COL28A1: variants seen among roughly 807,000 people sequenced by gnomAD.
COL28A1 encodes collagen type XXVIII alpha 1 chain, also known as collagen alpha-1(XXVIII) chain.
A neutral mutation model predicts 150.2 loss-of-function variants in COL28A1; 161 were observed. The ratio of observed to expected loss-of-function variants is 1.07; its 90% CI spans 0.94 to 1.22. COL28A1 has a LOEUF of 1.22. Ranked by LOEUF, COL28A1 falls within the 50% of genes most tolerant of loss-of-function variation. COL28A1 has a pLI of 0.00. For synonymous variants in COL28A1, 552 were observed against 469.7 expected (o/e 1.18, Z -2.26); for missense variants, 1,617 against 1,388.3 (o/e 1.16, Z -2.62).
chr7:7,342,412 G>A, the COL28A1 span, among the ~76,000 whole-genome samples: 1 of 151,756 alleles, frequency 6.6e-6, no homozygotes, highest in Admixed American at 6.6e-5. Context: ...TGCAATGCTT[G>A]GTCTGAATAC....
At chr7:7,453,379 G>T (rs1786870027) in intron 17 of COL28A1, 61 bp downstream of exon 17, 4 of 863,376 alleles carry the variant, frequency 4.6e-6, no homozygotes, top group Non-Finnish European at 8.1e-6. Context: ...CACTGGCACT[G>T]ATCAGAAAAC....
intron 30 of COL28A1, among the ~76,000 whole-genome samples, chr7:7,376,672 A>T (rs1222383981): frequency 6.6e-6 from 1 of 152,052 alleles, no homozygotes; most frequent in African/African-American, 2.4e-5. Flanking sequence ...GTATATCTAG[A>T]AAGGGGAAAT....
intron 30 of COL28A1, among the ~76,000 whole-genome samples, chr7:7,376,918 A>G (rs980452277): frequency 3.3e-5 from 5 of 152,206 alleles, no homozygotes; most frequent in African/African-American, 1.2e-4. Context: ...AGCAGTATAT[A>G]AGAAAATCTG....
chr7:7,519,658 G>C (rs1781604766), intron 6 of COL28A1, among the ~76,000 whole-genome samples: 1 of 151,910 alleles, frequency 6.6e-6, no homozygotes, highest in African/African-American at 2.4e-5. Context: ...ACAATCTGGT[G>C]GTTTTTCTAT....
At chr7:7,523,299 A>C (rs962272045) in intron 4 of COL28A1, among the ~76,000 whole-genome samples, 1 of 151,924 alleles carries the variant, frequency 6.6e-6, no homozygotes, top group Non-Finnish European at 1.5e-5. Context: ...CTGGGACTAC[A>C]GTCATGCACC....
chr7:7,506,007 AG>A lies in COL28A1; in HGVS notation c.1026+6del. 1 of 1,260,986 alleles carries A rather than the reference AG, an allele frequency of 7.9e-7. No homozygotes were observed. Among genetic ancestry groups the A allele is most frequent in the Non-Finnish European group, 1.2e-6 (1 of 857,444 alleles). 78.1% of individuals were successfully genotyped at this position (1,260,986 alleles called of 1,614,324 possible). A position where few individuals can be genotyped will look rare whatever the true frequency, so the allele number is the denominator to read the frequency against. On this transcript the variant is annotated splice_donor_region_variant and intron_variant, in intron 11 of 34. Transcript: ENST00000399429. Reference sequence around the variant, plus strand: ...TCTGCCTGTCTTTAATCAAAGGGTAAGATTACCTTATTGCCTTGAAACCCCT... The same window carrying A: ...TCTGCCTGTCTTTAATCAAAGGGTAAATTACCTTATTGCCTTGAAACCCCT...
chr7:7,375,366 A>ATAAT (rs1781486009), intron 31 of COL28A1, 95 bp downstream of exon 31: 1 of 1,158,386 alleles, frequency 8.6e-7, no homozygotes, highest in Admixed American at 2.8e-5. Context: ...CGCTAGCTAT[A>ATAAT]TAATATACAT....
intron 16 of COL28A1, among the ~76,000 whole-genome samples, 178 bp downstream of exon 16, chr7:7,455,866 A>C (rs918924092): frequency 1.3e-5 from 2 of 152,240 alleles, no homozygotes; most frequent in Non-Finnish European, 2.9e-5. Context: ...AAGTTCTAAA[A>C]AATAAAATCT....
intron 25 of COL28A1, among the ~76,000 whole-genome samples, chr7:7,424,543 G>A (rs1458036888): frequency 6.6e-6 from 1 of 152,166 alleles, no homozygotes; most frequent in East Asian, 1.9e-4. Context: ...CGCATAGCTG[G>A]ACATAGCTTC....
At chr7:7,542,739 A>G in the COL28A1 span, among the ~76,000 whole-genome samples, 1 of 152,310 alleles carries the variant, frequency 6.6e-6, no homozygotes, top group East Asian at 1.9e-4. Flanking sequence ...TCATGCTAGG[A>G]AAATCACTCT....
chr7:7,519,241 T>C (rs749445563), intron 6 of COL28A1, among the ~76,000 whole-genome samples: 9 of 152,092 alleles, frequency 5.9e-5, no homozygotes, highest in Non-Finnish European at 1.2e-4. Context: ...CTTCCCCTTA[T>C]AAAACCATCA....
intron 4 of COL28A1, 28 bp downstream of exon 4, chr7:7,524,201 C>A (rs376116380): frequency 5.5e-6 from 6 of 1,090,556 alleles, no homozygotes; most frequent in East Asian, 4.7e-5. Flanking sequence ...TGGAGTAATT[C>A]GTAGTAATCA....
At chr7:7,453,074 A>C (rs1366960933) in intron 17 of COL28A1, among the ~76,000 whole-genome samples, 1 of 152,206 alleles carries the variant, frequency 6.6e-6, no homozygotes, top group Non-Finnish European at 1.5e-5. Flanking sequence ...TCTTTAGCTA[A>C]GGTTTTAGTA....
intron 18 of COL28A1, 108 bp from the exon 19 acceptor site, chr7:7,444,597 C>A: frequency 9.5e-7 from 1 of 1,052,850 alleles, no homozygotes; most frequent in East Asian, 2.4e-5. Context: ...CGAGAAATCT[C>A]ATTAGCAATT....
rs371623030 is a variant in COL28A1, at chr7:7,532,825, C to A, written c.51G>T (p.Thr17=). The stretch of plus-strand genomic sequence containing the variant: ...TTCTTTGTCCGGATACTGTTTGACT[C>A]GTAAACGCTGACAAAAGCAGGAGAT... ...VFYLLLLSAF[T]SQTVSGQRKK... is the part of the protein sequence containing the mutation. Residue 17 remains threonine, a synonymous_variant, in exon 2 of 35, where the codon ACG becomes ACT. Coordinates refer to ENST00000399429, the MANE Select transcript of COL28A1 (RefSeq NM_001037763.3). The A allele has an allele frequency of 7.4e-6, 12 of 1,611,778 alleles. No homozygotes were observed. Among genetic ancestry groups the A allele is most frequent in the Middle Eastern group, 1.6e-4 (1 of 6,076 alleles).
chr7:7,430,027 GGA>G (rs1784873602), intron 25 of COL28A1, among the ~76,000 whole-genome samples: 1 of 152,136 alleles, frequency 6.6e-6, no homozygotes, highest in South Asian at 2.1e-4. Flanking sequence ...CAAATACAGG[GGA>G]CTTTTGGAGG....
chr7:7,432,947 AT>A (rs1785084722), intron 23 of COL28A1, among the ~76,000 whole-genome samples: 1 of 60,832 alleles, frequency 1.6e-5, no homozygotes. Flanking sequence ...ACATAGCAAA[AT>A]TTTGAGTGTG....
rs905083004 is a variant in COL28A1, at chr7:7,370,831, T to C, written c.2960A>G (p.Tyr987Cys). The change falls in exon 33 of 35, where the codon TAT becomes TGT. Residue 987 changes from tyrosine (Y) to cysteine (C), a missense_variant. Transcript: ENST00000399429. ...CGATGAACCAAAAATTTGAACGAGA[T>C]AGGAATCAAAATCCTCACAAATTTT... ...FQKICEDFDS[Y>C]LVQIFGSSSP... The C allele has an allele frequency of 4.3e-6, 7 of 1,613,186 alleles. No homozygotes were observed. The highest frequency in any genetic ancestry group is 2.7e-5 in the African/African-American group (2 of 74,880).
At chr7:7,342,297 T>C in the COL28A1 span, among the ~76,000 whole-genome samples, 1 of 152,084 alleles carries the variant, frequency 6.6e-6, no homozygotes, top group Non-Finnish European at 1.5e-5. Flanking sequence ...ATTTTGTCCA[T>C]ATTTTTATTT....
Sources: gnomAD v4.1 joint callset for allele counts (sites outside exome capture counted in the v4.1 genomes callset) on GRCh38, gnomAD v4.1.1 for gene constraint, MANE v1.5 for transcripts, NCBI Gene and HGNC (gene_info 2026-07-23, HGNC 2026-07-21) for gene names.